Variants in WDR19 observed in about 807,000 individuals in gnomAD.
WDR19 encodes the protein WD repeat domain 19.
In WDR19, 121 loss-of-function variants were observed where a neutral mutation model predicts 180.0. That is an observed-to-expected ratio of 0.67 (90% CI 0.58 to 0.78). WDR19 has a LOEUF of 0.78. WDR19 is among the 30% of genes least tolerant of loss of function. WDR19 has a pLI of 0.00. For synonymous variants in WDR19, 497 were observed against 540.7 expected (o/e 0.92, Z 1.12); for missense variants, 1,450 against 1,640.7 (o/e 0.88, Z 2.01).
At chr4:39,246,047 G>A (rs374036448) in intron 24 of WDR19, among the ~76,000 whole-genome samples, 14 of 152,154 alleles carry the variant, frequency 9.2e-5, no homozygotes, top group Non-Finnish European at 1.8e-4. Flanking sequence ...GAACACAAGC[G>A]CCAGAGGAGG....
At position 39,224,865 on chromosome 4, in the gene WDR19, G is replaced by T; in HGVS notation, c.1480-19G>T. The T allele has an allele frequency of 2.1e-6, 3 of 1,410,546 alleles. No homozygotes were observed. Among genetic ancestry groups the T allele is most frequent in the South Asian group, 2.8e-5 (2 of 70,214 alleles). The allele number at this position is 1,410,546 out of a possible 1,614,324, so 87.4% of individuals were successfully genotyped here. A position where few individuals can be genotyped will look rare whatever the true frequency, so the allele number is the denominator to read the frequency against. ...ACTACCTTTTATATTTTCATGGCTG[G>T]ATTTTTTTTTTTTTTTAGACTGGTG... On this transcript the variant is annotated intron_variant, in intron 14 of 36. Coordinates refer to ENST00000399820, the MANE Select transcript of WDR19 (RefSeq NM_025132.4).
chr4:39,207,097 G>T (rs1440313413), intron 9 of WDR19, among the ~76,000 whole-genome samples: 1 of 152,142 alleles, frequency 6.6e-6, no homozygotes, highest in Non-Finnish European at 1.5e-5. Flanking sequence ...AAGGGCTAAT[G>T]CTCTTGAAAC....
intron 21 of WDR19, among the ~76,000 whole-genome samples, chr4:39,240,954 TC>T (rs1456630385): frequency 2.0e-4 from 17 of 86,266 alleles, no homozygotes; most frequent in African/African-American, 5.3e-4. Context: ...AGACTCCATC[TC>T]AAAAAAAAAA....
chr4:39,244,653 C>G, intron 23 of WDR19, 101 bp downstream of exon 23: 1 of 1,264,802 alleles, frequency 7.9e-7, no homozygotes, highest in East Asian at 2.4e-5. Flanking sequence ...TCTGTCCATT[C>G]TGTTCCCCTA....
At chr4:39,282,538 C>T (rs1217173614) in intron 36 of WDR19, among the ~76,000 whole-genome samples, 1 of 152,160 alleles carries the variant, frequency 6.6e-6, no homozygotes, top group African/African-American at 2.4e-5. Context: ...GCTGAGATTA[C>T]AGGCGCCCGC....
At chr4:39,225,403 A>G (rs935485396) in intron 15 of WDR19, among the ~76,000 whole-genome samples, 1 of 152,144 alleles carries the variant, frequency 6.6e-6, no homozygotes, top group African/African-American at 2.4e-5. Flanking sequence ...TGCCCACCTC[A>G]GTTGATTTTC....
chr4:39,253,848 A>G, intron 25 of WDR19, 58 bp from the exon 26 acceptor site: 1 of 1,467,568 alleles, frequency 6.8e-7, no homozygotes, highest in Non-Finnish European at 9.1e-7. Context: ...TGGTTGAAAA[A>G]TTTTGTAAAT....
At chr4:39,207,862 A>T (rs1728109396) in intron 9 of WDR19, among the ~76,000 whole-genome samples, 1 of 152,128 alleles carries the variant, frequency 6.6e-6, no homozygotes, top group Non-Finnish European at 1.5e-5. Context: ...TTCTTTTGAG[A>T]TCTTTAACGT....
chr4:39,207,130 A>T (rs1728042029), intron 9 of WDR19, among the ~76,000 whole-genome samples: 1 of 152,250 alleles, frequency 6.6e-6, no homozygotes, highest in African/African-American at 2.4e-5. Flanking sequence ...AGAAAGTCTC[A>T]GAAAAGAAAT....
chr4:39,199,431 T>C (rs1174849471), intron 5 of WDR19, 47 bp from the exon 6 acceptor site: 6 of 1,467,372 alleles, frequency 4.1e-6, no homozygotes, highest in Non-Finnish European at 5.6e-6. Flanking sequence ...ACAGATTTTT[T>C]TCTTTGAGAA....
chr4:39,199,669 T>G (rs1727171839), intron 6 of WDR19, 76 bp downstream of exon 6: 2 of 1,213,802 alleles, frequency 1.6e-6, no homozygotes, highest in Admixed American at 4.3e-5. Flanking sequence ...GTCAAACTAA[T>G]CTATACAATT....
chr4:39,278,556 G>A lies in WDR19; in HGVS notation c.3935G>A (p.Ser1312Asn). ...SELKIMLNTE[S>N]TCPMCSERLN... Reference sequence around the variant, plus strand: ...CTAAACAGCATGCTAAACACTGAAAGCACATGTCCTATGTGTTCAGAAAGA... The same window carrying A: ...CTAAACAGCATGCTAAACACTGAAAACACATGTCCTATGTGTTCAGAAAGA... Residue 1312 changes from serine (S) to asparagine (N), a missense_variant, in exon 36 of 37, where the codon AGC becomes AAC. Physicochemically the swap from Ser to Asn is conservative, Grantham distance 46. Transcript: ENST00000399820. The A allele has an allele frequency of 6.2e-7, 1 of 1,611,950 alleles. No individual in the cohort carries two copies. Among genetic ancestry groups the A allele is most frequent in the Non-Finnish European group, 8.5e-7 (1 of 1,178,570 alleles).
chr4:39,277,692 C>T (rs1477676862), intron 34 of WDR19, among the ~76,000 whole-genome samples: 1 of 152,096 alleles, frequency 6.6e-6, no homozygotes, highest in Non-Finnish European at 1.5e-5. Flanking sequence ...CTCTGTTACC[C>T]ACACATGTGA....
At chr4:39,218,765 G>C (rs1434435156) in intron 14 of WDR19, 1 of 152,192 alleles carries the variant, frequency 6.6e-6, no homozygotes, top group African/African-American at 2.4e-5. Flanking sequence ...TGACTCTTTT[G>C]TAGTAACACT....
chr4:39,218,405 A>G (rs1225881088), intron 14 of WDR19: 3 of 362,142 alleles, frequency 8.3e-6, no homozygotes, highest in Non-Finnish European at 1.5e-5. Context: ...CTCCTAGGCT[A>G]CAAACCAGTA....
Position 39,205,196 on chromosome 4 carries a change from C to A in WDR19, c.646C>A (p.Leu216Met). 1 of 1,600,478 alleles carries A rather than the reference C, an allele frequency of 6.2e-7. No individual in the cohort carries two copies. Among genetic ancestry groups the A allele is most frequent in the Non-Finnish European group, 8.5e-7 (1 of 1,173,078 alleles). ...LGKKTLFFLN[L>M]NEPDNPADLE... ...CAAGAAAACTTTGTTTTTTTTAAATCTGAATGAACCAGATAACCCAGCTGA... is the reference window on the plus strand; with the variant it reads ...CAAGAAAACTTTGTTTTTTTTAAATATGAATGAACCAGATAACCCAGCTGA... Residue 216 changes from leucine (L) to methionine (M), a missense_variant, in exon 8 of 37, where the codon CTG becomes ATG. Coordinates refer to ENST00000399820, the MANE Select transcript of WDR19 (RefSeq NM_025132.4).
Position 39,277,126 on chromosome 4 carries a change from C to T in WDR19, c.3823C>T (p.Pro1275Ser). Reference sequence around the variant, plus strand: ...CTGTCCTGGATGTAAAAACAGTATCCCATATTGCATTGCAACAGTGAGTTC... The same window carrying T: ...CTGTCCTGGATGTAAAAACAGTATCTCATATTGCATTGCAACAGTGAGTTC... Reference protein sequence around the residue: ...LLCPGCKNSIPYCIATGRHML... With the variant: ...LLCPGCKNSISYCIATGRHML... The change falls in exon 34 of 37, where the codon CCA (proline) becomes TCA (serine). Residue 1275 changes from proline to serine, a missense_variant. Coordinates refer to ENST00000399820, the MANE Select transcript of WDR19 (RefSeq NM_025132.4). The T allele has an allele frequency of 6.2e-7, 1 of 1,610,482 alleles. No homozygotes were observed. Among genetic ancestry groups the T allele is most frequent in the South Asian group, 1.1e-5 (1 of 89,994 alleles).
At chr4:39,285,065 A>AG (rs1374790823) in intron 36 of WDR19, among the ~76,000 whole-genome samples, 1 of 113,204 alleles carries the variant, frequency 8.8e-6, no homozygotes, top group African/African-American at 4.8e-5. Context: ...ATCATCTCCT[A>AG]GGAAAAAAAA....
chr4:39,193,958 A>C (rs1478452147), intron 4 of WDR19, among the ~76,000 whole-genome samples: 1 of 152,262 alleles, frequency 6.6e-6, no homozygotes, highest in Admixed American at 6.5e-5. Flanking sequence ...ATATATGGAA[A>C]GAGGTACTCT....
Sources: gnomAD v4.1 joint callset for allele counts (sites outside exome capture counted in the v4.1 genomes callset) on GRCh38, gnomAD v4.1.1 for gene constraint, MANE v1.5 for transcripts, NCBI Gene and HGNC (gene_info 2026-07-23, HGNC 2026-07-21) for gene names.